The following AOPEP variants were observed in gnomAD, a reference collection of about 807,000 sequenced individuals.
AOPEP encodes the protein aminopeptidase O.
Under a neutral mutation model 98.1 loss-of-function variants are expected in AOPEP, and 77 were observed. The observed-to-expected ratio is 0.78, with a 90% CI of 0.65 to 0.95. The LOEUF (loss-of-function observed/expected upper bound fraction) is 0.95. AOPEP is among the 40% of genes least tolerant of loss of function. The pLI is 0.00. For missense variants in AOPEP, 1,024 were observed against 1,024.7 expected, an observed-to-expected ratio of 1.00 and a Z score of 0.01; for synonymous variants, 346 against 365.3, an observed-to-expected ratio of 0.95 and a Z score of 0.60.
intron 5 of AOPEP, among the ~76,000 whole-genome samples, chr9:94,809,372 T>C (rs1849968047): frequency 6.6e-6 from 1 of 152,254 alleles, no homozygotes; most frequent in African/African-American, 2.4e-5. Context: ...CCCCAACTGT[T>C]GTGTCGAGGG....
chr9:94,978,105 T>A (rs2059963372), intron 10 of AOPEP, among the ~76,000 whole-genome samples: 1 of 152,078 alleles, frequency 6.6e-6, no homozygotes, highest in South Asian at 2.1e-4. Flanking sequence ...TACTTCCCCG[T>A]CTGCAACACC....
chr9:95,085,998 C>T, intron 16 of AOPEP: 1 of 1,365,606 alleles, frequency 7.3e-7, no homozygotes, highest in South Asian at 1.1e-5. Flanking sequence ...CGCTGCTTCT[C>T]CGGGCTGTCG....
chr9:95,095,480 A>G, the AOPEP span, among the ~76,000 whole-genome samples: 1 of 152,168 alleles, frequency 6.6e-6, no homozygotes, highest in Non-Finnish European at 1.5e-5. Flanking sequence ...GAGCTTTAGA[A>G]GTTAGGAAAT....
rs1464026689 is a variant in AOPEP, at chr9:95,005,629, G to T, written c.2115+13G>T. 2.5e-6 allele frequency: 4 copies of T among 1,611,848 alleles called. No individual in the cohort carries two copies. Among genetic ancestry groups the T allele is most frequent in the East Asian group, 4.5e-5 (2 of 44,874 alleles). ...GGTGTTTGAAAAGGTAGGGGTTCCC[G>T]AGACGGTACTCGGTGCAGGTCTTGG... On this transcript the variant is annotated intron_variant, in intron 13 of 16. Transcript: ENST00000375315.
At chr9:94,731,912 G>A (rs1830645549) in intron 1 of AOPEP, among the ~76,000 whole-genome samples, 2 of 147,180 alleles carry the variant, frequency 1.4e-5, no homozygotes, top group African/African-American at 2.5e-5. Context: ...AGCCTCCCAA[G>A]TAGCTGGGAT....
At chr9:94,743,599 A>C (rs1051153321) in intron 1 of AOPEP, among the ~76,000 whole-genome samples, 3 of 152,224 alleles carry the variant, frequency 2.0e-5, no homozygotes, top group African/African-American at 7.2e-5. Flanking sequence ...TGTTTTTTCC[A>C]ATAGGAAATC....
In AOPEP at chr9:94,924,013, C is replaced by T. The variant is rs2053965882; in HGVS notation, c.1392C>T (p.Ser464=). ...ASPHIMFLSQ[S]ILTGGNHLCG... is the part of the protein sequence containing the mutation. ...CACACATCATGTTCCTCTCTCAGAG[C>T]ATCTTGACAGGAGGGAACCATCTCT... The change falls in exon 6 of 17, where the codon AGC becomes AGT. Residue 464 remains serine, a synonymous_variant. Coordinates refer to ENST00000375315, the MANE Select transcript of AOPEP (RefSeq NM_001193329.3). The T allele has an allele frequency of 6.7e-7, 1 of 1,484,656 alleles. No homozygotes were observed. Among genetic ancestry groups the T allele is most frequent in the East Asian group, 2.7e-5 (1 of 37,310 alleles). 92.0% of individuals were successfully genotyped at this position (1,484,656 alleles called of 1,614,324 possible).
At chr9:95,077,412 G>T (rs1206419638) in intron 14 of AOPEP, among the ~76,000 whole-genome samples, 1 of 152,240 alleles carries the variant, frequency 6.6e-6, no homozygotes, top group Non-Finnish European at 1.5e-5. Context: ...CCAGGATGCT[G>T]CGGGGTGGCT....
At chr9:95,114,149 A>G in the AOPEP span, 1 of 195,760 alleles carries the variant, frequency 5.1e-6, no homozygotes, top group Non-Finnish European at 1.1e-5. Flanking sequence ...CTCATTTTAG[A>G]GAGATTTATT....
chr9:94,765,411 G>A (rs888364411), intron 2 of AOPEP, among the ~76,000 whole-genome samples: 4 of 147,656 alleles, frequency 2.7e-5, no homozygotes, highest in African/African-American at 9.9e-5. Flanking sequence ...ACCAGCCTGG[G>A]CAACATGGTG....
At chr9:95,011,278 C>G (rs1042207144) in intron 13 of AOPEP, among the ~76,000 whole-genome samples, 6 of 150,736 alleles carry the variant, frequency 4.0e-5, no homozygotes, top group African/African-American at 7.4e-5. Context: ...GTGCAGTGAC[C>G]TCCACCTCGC....
chr9:95,089,409 G>A (rs1036771861), downstream of AOPEP, among the ~76,000 whole-genome samples: 1 of 152,192 alleles, frequency 6.6e-6, no homozygotes, highest in Non-Finnish European at 1.5e-5. Context: ...GGATGAAGAC[G>A]GGCTGTCTGG....
intron 2 of AOPEP, among the ~76,000 whole-genome samples, chr9:94,770,133 A>T (rs1840533404): frequency 6.6e-6 from 1 of 152,250 alleles, no homozygotes; most frequent in Admixed American, 6.5e-5. Flanking sequence ...TTCTGTGTCC[A>T]TAAAAGTGTC....
At chr9:94,915,589 G>A (rs927730038) in intron 5 of AOPEP, among the ~76,000 whole-genome samples, 1 of 152,126 alleles carries the variant, frequency 6.6e-6, no homozygotes, top group Non-Finnish European at 1.5e-5. Context: ...CAGTGTGGTG[G>A]TCTGGCAGGG....
In AOPEP at chr9:94,983,340, C is replaced by T. The variant is rs72750356; in HGVS notation, c.1977+3913C>T. 5.2e-3 allele frequency among the ~76,000 whole-genome samples: 799 copies of T among 152,292 alleles called. 13 individuals carry two copies. Among genetic ancestry groups the T allele is most frequent in the East Asian group, 0.043 (222 of 5,188 alleles). ...GTTTCTACAGAACTCTGACTCCTCCCTTTCTTTGATTTCCTCCCTAAATTG... is the reference window on the plus strand; with the variant it reads ...GTTTCTACAGAACTCTGACTCCTCCTTTTCTTTGATTTCCTCCCTAAATTG... On this transcript the variant is annotated intron_variant, in intron 11 of 16. Coordinates refer to ENST00000375315, the MANE Select transcript of AOPEP (RefSeq NM_001193329.3).
chr9:95,004,985 G>C (rs926675228), intron 11 of AOPEP, 173 bp from the exon 12 acceptor site: 2 of 153,056 alleles, frequency 1.3e-5, no homozygotes, highest in African/African-American at 4.9e-5. Flanking sequence ...CCCGCGCCGC[G>C]CCTGAGGTGA....
chr9:94,931,166 C>T (rs1337066830), intron 7 of AOPEP, among the ~76,000 whole-genome samples: 1 of 152,106 alleles, frequency 6.6e-6, no homozygotes, highest in Non-Finnish European at 1.5e-5. Flanking sequence ...ATGAGGAGGG[C>T]CTCATCTCTG....
At chr9:95,014,083 T>G (rs2062785643) in intron 13 of AOPEP, among the ~76,000 whole-genome samples, 8 of 152,246 alleles carry the variant, frequency 5.3e-5, no homozygotes, top group Admixed American at 5.2e-4. Flanking sequence ...TGTATTATTT[T>G]ACTATCTTGT....
rs2053964793 is a variant in AOPEP, at chr9:94,924,003, T to A, written c.1382T>A (p.Leu461His). The change falls in exon 6 of 17, where the codon CTC (leucine) becomes CAC (histidine). Residue 461 changes from leucine to histidine, a missense_variant. Leu to His is a moderately conservative substitution (Grantham distance 99, BLOSUM62 -3). Around this residue, in one of 3 missense-constraint regions of AOPEP, gnomAD observed 566 missense variants for 551.7 expected, o/e 1.03. Coordinates refer to ENST00000375315, the MANE Select transcript of AOPEP (RefSeq NM_001193329.3). ...ATCCACAGCCCACACATCATGTTCC[T>A]CTCTCAGAGCATCTTGACAGGAGGG... is the stretch of plus-strand genomic sequence containing the variant. ...LGMASPHIMF[L>H]SQSILTGGNH... 1 of 1,468,992 alleles carries A rather than the reference T, an allele frequency of 6.8e-7. No individual in the cohort carries two copies. Among genetic ancestry groups the A allele is most frequent in the Non-Finnish European group, 9.1e-7 (1 of 1,104,502 alleles). 91.0% of individuals were successfully genotyped at this position (1,468,992 alleles called of 1,614,324 possible).
Sources: gnomAD v4.1 joint callset for allele counts (sites outside exome capture counted in the v4.1 genomes callset) on GRCh38, gnomAD v4.1.1 for gene constraint, gnomAD v4.1.1 regional missense constraint, MANE v1.5 for transcripts, NCBI Gene and HGNC (gene_info 2026-07-23, HGNC 2026-07-21) for gene names.